The following IQSEC3 variants were observed in gnomAD, a reference collection of about 807,000 sequenced individuals.
The protein encoded by IQSEC3 is IQ motif and Sec7 domain ArfGEF 3.
Under a neutral mutation model 105.4 loss-of-function variants are expected in IQSEC3, and 50 were observed. That is an observed-to-expected ratio of 0.47 (90% CI 0.38 to 0.60). The LOEUF is 0.60. IQSEC3 is among the 20% of genes least tolerant of loss of function. IQSEC3 has a pLI of 0.00. For missense variants in IQSEC3, 1,415 were observed against 1,630.0 expected (o/e 0.87, Z 2.27); for synonymous variants, 708 against 746.0 (o/e 0.95, Z 0.83).
At chr12:107,958 C>T (rs1354620016) in intron 2 of IQSEC3, among the ~76,000 whole-genome samples, 3 of 152,316 alleles carry the variant, frequency 2.0e-5, no homozygotes, top group Middle Eastern at 3.4e-3. Context: ...GTGGCCCTAT[C>T]TTGCCCAGCT....
At chr12:160,736 A>T (rs1453255051) in intron 7 of IQSEC3, among the ~76,000 whole-genome samples, 1 of 152,146 alleles carries the variant, frequency 6.6e-6, no homozygotes, top group Non-Finnish European at 1.5e-5. Flanking sequence ...CACCAGCTCT[A>T]AGCCCTTTGG....
At chr12:69,848 A>G (rs1339455840) in intron 1 of IQSEC3, among the ~76,000 whole-genome samples, 1 of 152,196 alleles carries the variant, frequency 6.6e-6, no homozygotes, top group Non-Finnish European at 1.5e-5. Context: ...CCCGTTTTGT[A>G]TGTTTGTTCT....
At chr12:132,401 G>A (rs1420005686) in intron 3 of IQSEC3, among the ~76,000 whole-genome samples, 8 of 152,166 alleles carry the variant, frequency 5.3e-5, no homozygotes, top group Non-Finnish European at 4.4e-5. Context: ...TTGGGGCAAT[G>A]GTTCTCAAAC....
chr12:123,741 T>G (rs1865292946), intron 2 of IQSEC3, among the ~76,000 whole-genome samples: 1 of 152,128 alleles, frequency 6.6e-6, no homozygotes, highest in South Asian at 2.1e-4. Context: ...AGGTCCCTCC[T>G]CTGGTGTCAT....
intron 5 of IQSEC3, among the ~76,000 whole-genome samples, chr12:153,366 C>T (rs1192781570): frequency 6.6e-6 from 1 of 152,126 alleles, no homozygotes. Flanking sequence ...TGCTGCGGGT[C>T]GTCTGCCCCC....
In IQSEC3 at chr12:157,508, T is replaced by G; in HGVS notation, c.2277-20T>G. ...GTGGGCGGGGGCTCAGCGTCCGCTC[T>G]GCATCTGACCCCCCCACAGCCAGCG... On this transcript the variant is annotated intron_variant, in intron 6 of 13. Coordinates refer to ENST00000538872, the MANE Select transcript of IQSEC3 (RefSeq NM_001170738.2). The G allele has an allele frequency of 6.2e-7, 1 of 1,603,044 alleles. No homozygotes were observed. The highest frequency in any genetic ancestry group is 1.3e-5 in the African/African-American group (1 of 74,990).
chr12:110,548 G>A (rs1864846271), intron 2 of IQSEC3, among the ~76,000 whole-genome samples: 1 of 151,898 alleles, frequency 6.6e-6, no homozygotes, highest in Non-Finnish European at 1.5e-5. Context: ...ATCCCCTCTG[G>A]GATTTGCATT....
At chr12:116,216 C>T (rs1345778793) in intron 2 of IQSEC3, among the ~76,000 whole-genome samples, 1 of 152,222 alleles carries the variant, frequency 6.6e-6, no homozygotes, top group Non-Finnish European at 1.5e-5. Context: ...CCCAAGGCCA[C>T]AACGCAGGTA....
intron 9 of IQSEC3, chr12:165,228 A>G (rs1867108134): frequency 1.7e-6 from 1 of 594,040 alleles, no homozygotes; most frequent in Non-Finnish European, 3.0e-6. Flanking sequence ...GCTTCTAAGT[A>G]CAGAGGGAAT....
intron 13 of IQSEC3, among the ~76,000 whole-genome samples, chr12:172,391 G>A (rs57016720): frequency 1.3e-5 from 2 of 151,528 alleles, no homozygotes; most frequent in Non-Finnish European, 2.9e-5. Context: ...AAGCACACCC[G>A]TGCCCAGCCC....
rs1565449160 is a variant in IQSEC3 at position 165,530 on chromosome 12, G to A, written c.2806G>A (p.Glu936Lys). The change falls in exon 10 of 14, where the codon GAG (glutamate) becomes AAG (lysine). Residue 936 changes from glutamate (E) to lysine (K), a missense_variant. Physicochemically the swap from Glu to Lys is moderately conservative, Grantham distance 56 (BLOSUM62 1). Coordinates refer to ENST00000538872, the MANE Select transcript of IQSEC3 (RefSeq NM_001170738.2). ...CATGCAGTTCCAGCTCTTTGAGAAC[G>A]AGTGTAAGTCTTTGACAGCCAGTGT... is the stretch of plus-strand genomic sequence containing the variant. ...LGMQFQLFEN[E>K]YYSHGITLVT... 8.1e-6 allele frequency: 13 copies of A among 1,608,456 alleles called. No homozygotes were observed. Among genetic ancestry groups the A allele is most frequent in the Non-Finnish European group, 1.0e-5 (12 of 1,174,706 alleles).
chr12:176,216 G>A lies in IQSEC3; in HGVS notation c.*1183G>A, dbSNP rs1180953677. On this transcript the variant is annotated 3_prime_UTR_variant, in exon 14 of 14. Transcript: ENST00000538872. The surrounding 1 kb of genome is among the most constrained non-coding windows in gnomAD (Gnocchi z 4.0). Reference sequence around the variant, plus strand: ...TCAAAATTGCAAAGGAGACCCAAGCGGGGCTCGCTGACCTCCCAGGGCCCA... The same window carrying A: ...TCAAAATTGCAAAGGAGACCCAAGCAGGGCTCGCTGACCTCCCAGGGCCCA... The A allele has an allele frequency of 1.3e-5, 2 of 152,176 alleles. No individual in the cohort carries two copies. The highest frequency in any genetic ancestry group is 6.5e-5 in the Admixed American group (1 of 15,282). The allele number at this position is 152,176 out of a possible 1,614,324, so 9.4% of individuals were successfully genotyped here.
chr12:70,637 C>A (rs1555067240), intron 1 of IQSEC3, among the ~76,000 whole-genome samples: 1 of 152,256 alleles, frequency 6.6e-6, no homozygotes, highest in African/African-American at 2.4e-5. Context: ...CTTGACCTGA[C>A]AAATCCTCTT....
Position 141,106 on chromosome 12 carries a change from C to A in IQSEC3, c.1992-18C>A. ...CTTCAGCTCACTCTCTACTGCTTCT[C>A]CCCACCCCCACCTCCAGAAACCCCG... On this transcript the variant is annotated intron_variant, in intron 4 of 13. Transcript: ENST00000538872. 2.0e-6 allele frequency: 3 copies of A among 1,491,494 alleles called. No homozygotes were observed. Among genetic ancestry groups the A allele is most frequent in the Non-Finnish European group, 1.9e-6 (2 of 1,075,758 alleles). 92.4% of individuals were successfully genotyped at this position (1,491,494 alleles called of 1,614,324 possible). A position where few individuals can be genotyped will look rare whatever the true frequency, so the allele number is the denominator to read the frequency against.
chr12:141,303 C>T lies in IQSEC3; in HGVS notation c.2153+18C>T, dbSNP rs782165965. The T allele has an allele frequency of 3.6e-5, 57 of 1,603,116 alleles. No individual in the cohort carries two copies. Among genetic ancestry groups the T allele is most frequent in the South Asian group, 7.7e-5 (7 of 90,712 alleles). On this transcript the variant is annotated intron_variant, in intron 5 of 13. Coordinates refer to ENST00000538872, the MANE Select transcript of IQSEC3 (RefSeq NM_001170738.2). Reference sequence around the variant, plus strand: ...GTGCTGGAGTGAGTACCCCACACTCCGGGCTTTCCCCACTCCTTCCCACAC... The same window carrying T: ...GTGCTGGAGTGAGTACCCCACACTCTGGGCTTTCCCCACTCCTTCCCACAC...
intron 2 of IQSEC3, among the ~76,000 whole-genome samples, chr12:117,948 T>G (rs375418736): frequency 6.6e-6 from 1 of 152,160 alleles, no homozygotes; most frequent in South Asian, 2.1e-4. Context: ...TGGCTTCAGG[T>G]TAGCAGGAGC....
In IQSEC3 at chr12:138,631, A is replaced by G; in HGVS notation, c.1268A>G (p.Lys423Arg). The change falls in exon 4 of 14, where the codon AAG (lysine) becomes AGG (arginine). Residue 423 changes from lysine (K) to arginine (R), a missense_variant. By Grantham distance (26) the Lys-to-Arg change is conservative. This residue lies in a region of IQSEC3 where 720 missense variants were observed against 633.0 expected (regional missense o/e 1.14). Coordinates refer to ENST00000538872, the MANE Select transcript of IQSEC3 (RefSeq NM_001170738.2). This position sits in a 1 kb window ranked among gnomAD's most constrained non-coding sequence, Gnocchi z 7.1. ...GACGCGCTCAGCACGTGGAGCCTCA[A>G]GACCATGTGCTCCCTGCGGGAGAGT... ...IDDALSTWSL[K>R]TMCSLRESGA... is the part of the protein sequence containing the mutation. 1.3e-6 allele frequency: 2 copies of G among 1,585,580 alleles called. No homozygotes were observed. The highest frequency in any genetic ancestry group is 1.7e-6 in the Non-Finnish European group (2 of 1,173,702).
chr12:70,648 G>T (rs754930124), intron 1 of IQSEC3, among the ~76,000 whole-genome samples: 187 of 152,188 alleles, frequency 1.2e-3, no homozygotes, highest in Non-Finnish European at 2.2e-3. Context: ...AAATCCTCTT[G>T]CCATGGAAGC....
chr12:84,064 G>C (rs868931086), intron 1 of IQSEC3, among the ~76,000 whole-genome samples: 1 of 152,186 alleles, frequency 6.6e-6, no homozygotes, highest in African/African-American at 2.4e-5. Context: ...CTTACACCCT[G>C]GCATAGCTGT....
Sources: allele counts gnomAD v4.1 joint callset (sites outside exome capture counted in the v4.1 genomes callset), GRCh38; gene constraint gnomAD v4.1.1; regional missense constraint gnomAD v4.1.1; non-coding constraint Gnocchi (gnomAD v3.1); transcripts MANE v1.5; gene names NCBI Gene and HGNC (gene_info 2026-07-23, HGNC 2026-07-21).